Variants in WWOX observed in about 807,000 individuals in gnomAD.
WWOX encodes the protein WW domain containing oxidoreductase, also known as WW domain-containing oxidoreductase.
In WWOX, 69 loss-of-function variants were observed where a neutral mutation model predicts 46.2. The ratio of observed to expected loss-of-function variants is 1.49; its 90% CI spans 1.23 to 1.82. The LOEUF is 1.82. Ranked by LOEUF, WWOX falls within the 40% of genes most tolerant of loss-of-function variation. WWOX has a pLI of 0.00. For synonymous variants in WWOX, 359 were observed against 202.6 expected (o/e 1.77, Z -6.56); for missense variants, 919 against 542.6 (o/e 1.69, Z -6.89).
intron 8 of WWOX, among the ~76,000 whole-genome samples, chr16:78,463,668 C>G (rs1466485232): frequency 6.6e-6 from 1 of 152,124 alleles, no homozygotes; most frequent in Non-Finnish European, 1.5e-5. Flanking sequence ...GATTCTGTGA[C>G]TGTTAGAATC....
intron 8 of WWOX, among the ~76,000 whole-genome samples, chr16:78,721,543 T>C (rs2048690612): frequency 6.6e-6 from 1 of 152,210 alleles, no homozygotes; most frequent in South Asian, 2.1e-4. Context: ...TTTGCTCTTC[T>C]TTAGAAGTCA....
Position 79,077,921 on chromosome 16 carries a change from G to A in WWOX, c.1057-133687G>A, listed in dbSNP as rs568292541. The A allele has an allele frequency of 2.0e-4, 31 of 152,152 alleles. 1 individual carries two copies. Among genetic ancestry groups the A allele is most frequent in the Admixed American group, 9.8e-4 (15 of 15,282 alleles). The allele number at this position is 152,152 out of a possible 1,614,324, so 9.4% of individuals were successfully genotyped here. A position where few individuals can be genotyped will look rare whatever the true frequency, so the allele number is the denominator to read the frequency against. On this transcript the variant is annotated intron_variant, in intron 8 of 8. Transcript: ENST00000566780. ...AGGCATTGTGGACGCCTGTGGGGTT[G>A]GTTTTTGGCACCCATCCCTGACCCC...
chr16:78,157,418 A>G (rs192510382), intron 4 of WWOX, among the ~76,000 whole-genome samples: 1 of 152,190 alleles, frequency 6.6e-6, no homozygotes, highest in Non-Finnish European at 1.5e-5. Flanking sequence ...TGACATTGGT[A>G]TCACAGGTAA....
intron 6 of WWOX, among the ~76,000 whole-genome samples, chr16:78,402,192 G>T (rs564172167): frequency 1.3e-5 from 2 of 152,238 alleles, no homozygotes; most frequent in African/African-American, 4.8e-5. Context: ...ATCTCTACCT[G>T]TTTGCCTATT....
At chr16:78,222,059 A>G (rs1438069181) in intron 5 of WWOX, among the ~76,000 whole-genome samples, 2 of 152,208 alleles carry the variant, frequency 1.3e-5, no homozygotes, top group Non-Finnish European at 2.9e-5. Flanking sequence ...ATCCTGTGGA[A>G]TTCGCCTCAG....
At chr16:78,702,007 T>TTATATATATGTGTATATATATATATA (rs1555519490) in intron 8 of WWOX, among the ~76,000 whole-genome samples, 2 of 57,630 alleles carry the variant, frequency 3.5e-5, no homozygotes, top group African/African-American at 1.3e-4. Context: ...CTACATAAAA[T>TTATATATATGTGTATATATATATATA]TATATATATA....
intron 8 of WWOX, among the ~76,000 whole-genome samples, chr16:79,119,796 A>G (rs1361671675): frequency 6.6e-6 from 1 of 152,152 alleles, no homozygotes; most frequent in East Asian, 1.9e-4. Context: ...TATTAACCTC[A>G]TAGGGAAGAC....
At chr16:78,799,551 C>G (rs1054006787) in intron 8 of WWOX, among the ~76,000 whole-genome samples, 12 of 152,170 alleles carry the variant, frequency 7.9e-5, no homozygotes, top group African/African-American at 2.9e-4. Context: ...CTCCGAATCT[C>G]TGCGTATGGA....
intron 8 of WWOX, among the ~76,000 whole-genome samples, chr16:79,066,980 A>G (rs566391290): frequency 6.6e-6 from 1 of 152,338 alleles, no homozygotes; most frequent in Admixed American, 6.5e-5. Flanking sequence ...GATATGAACT[A>G]TCTCTGAAAG....
At chr16:78,113,638 A>T (rs1280236583) in intron 3 of WWOX, among the ~76,000 whole-genome samples, 1 of 152,054 alleles carries the variant, frequency 6.6e-6, no homozygotes. Context: ...TTCAGGGGGA[A>T]AAAAGCCACT....
intron 8 of WWOX, among the ~76,000 whole-genome samples, chr16:78,477,350 A>C (rs1214471913): frequency 6.6e-6 from 1 of 152,070 alleles, no homozygotes; most frequent in Non-Finnish European, 1.5e-5. Flanking sequence ...CTTTAATTGA[A>C]TTTCCAGAGC....
intron 8 of WWOX, among the ~76,000 whole-genome samples, chr16:78,729,898 TA>T (rs1331786556): frequency 2.3e-4 from 35 of 152,266 alleles, no homozygotes; most frequent in African/African-American, 7.9e-4. Context: ...TATTTAGATT[TA>T]AACAAGACTA....
At chr16:78,908,378 A>C (rs1243743546) in intron 8 of WWOX, among the ~76,000 whole-genome samples, 2 of 152,048 alleles carry the variant, frequency 1.3e-5, no homozygotes, top group African/African-American at 4.8e-5. Flanking sequence ...CATCCCTACT[A>C]AAGATACTAA....
At position 78,144,488 on chromosome 16, in the gene WWOX, C is replaced by CGTATATATATATATAT. The variant is rs1567596481; in HGVS notation, c.410-19695_410-19694insGTATATATATATATAT. 6.8e-3 allele frequency among the ~76,000 whole-genome samples: 46 copies of CGTATATATATATATAT among 6,796 alleles called. 5 individuals are homozygous for CGTATATATATATATAT. The highest frequency in any genetic ancestry group is 0.012 in the South Asian group (2 of 162). 4.5% of individuals were successfully genotyped at this position (6,796 alleles called of 152,430 possible). ...ACACACATATATATATATATATATA[C>CGTATATATATATATAT]ACACACACACACATATATATATATA... On this transcript the variant is annotated intron_variant, in intron 4 of 8. Transcript: ENST00000566780.
intron 4 of WWOX, among the ~76,000 whole-genome samples, chr16:78,150,913 AC>A (rs2034383038): frequency 1.3e-5 from 2 of 151,812 alleles, no homozygotes; most frequent in South Asian, 4.2e-4. Flanking sequence ...TCGCTCTGTC[AC>A]CCACCCAGGC....
intron 8 of WWOX, among the ~76,000 whole-genome samples, chr16:78,975,388 A>C (rs1432372675): frequency 6.6e-6 from 1 of 152,006 alleles, no homozygotes; most frequent in Admixed American, 6.5e-5. Flanking sequence ...CCCTTGCAAC[A>C]AAATCTTACG....
At chr16:78,987,163 G>A (rs1430079177) in intron 8 of WWOX, among the ~76,000 whole-genome samples, 3 of 152,132 alleles carry the variant, frequency 2.0e-5, no homozygotes, top group Non-Finnish European at 4.4e-5. Context: ...AGAAGCACAC[G>A]GGAGGTCTTT....
intron 8 of WWOX, among the ~76,000 whole-genome samples, chr16:78,711,945 C>T (rs1299373640): frequency 1.3e-5 from 2 of 152,214 alleles, no homozygotes; most frequent in Non-Finnish European, 2.9e-5. Context: ...AAGAGCATCT[C>T]TTTCAGGAGC....
At chr16:78,659,731 A>G (rs574606851) in intron 8 of WWOX, among the ~76,000 whole-genome samples, 1 of 152,276 alleles carries the variant, frequency 6.6e-6, no homozygotes, top group African/African-American at 2.4e-5. Context: ...GAAAAATGAC[A>G]ATGTTCATAT....
Sources: allele counts gnomAD v4.1 joint callset (sites outside exome capture counted in the v4.1 genomes callset), GRCh38; gene constraint gnomAD v4.1.1; transcripts MANE v1.5; gene names NCBI Gene and HGNC (gene_info 2026-07-23, HGNC 2026-07-21).